RUBCN: variants seen among roughly 807,000 people sequenced by gnomAD.
RUBCN encodes the protein rubicon autophagy regulator, also known as run domain Beclin-1-interacting and cysteine-rich domain-containing protein.
A neutral mutation model predicts 113.2 loss-of-function variants in RUBCN; 74 were observed. That is an observed-to-expected ratio of 0.65 (90% CI 0.54 to 0.79). The LOEUF (loss-of-function observed/expected upper bound fraction) is 0.79, where lower values mean the gene tolerates loss of function less well. Among genes scored for constraint, RUBCN ranks in the 30% least tolerant of loss-of-function variants. The pLI, the probability that RUBCN is intolerant of heterozygous loss-of-function variation, is 0.00. For missense variants in RUBCN, 1,109 were observed against 1,251.7 expected, an observed-to-expected ratio of 0.89 and a Z score of 1.72; for synonymous variants, 480 against 490.0, an observed-to-expected ratio of 0.98 and a Z score of 0.27.
At chr3:197,701,954 A>G in intron 5 of RUBCN, 90 bp from the exon 6 acceptor site, 2 of 1,223,112 alleles carry the variant, frequency 1.6e-6, no homozygotes, top group South Asian at 2.6e-5. Context: ...GAAATGCCAT[A>G]GAAGCTACCT....
chr3:197,712,361 C>T (rs930494186), intron 2 of RUBCN, among the ~76,000 whole-genome samples: 2 of 152,180 alleles, frequency 1.3e-5, no homozygotes, highest in African/African-American at 4.8e-5. Flanking sequence ...ATACAATTCA[C>T]ATTCCATAAC....
chr3:197,686,314 A>G lies in RUBCN; in HGVS notation c.1787-2097T>C, dbSNP rs566125360. 1.1e-4 allele frequency among the ~76,000 whole-genome samples: 17 copies of G among 152,274 alleles called. No homozygotes were observed. The South Asian group carries it at 3.3e-3, about 30-fold the overall frequency. ...AGAAAATACAATTGAGTCACACTGT[A>G]ACGTGTTTCTTCCTTTTACTAGAGG... On this transcript the variant is annotated intron_variant, in intron 11 of 19. Coordinates refer to ENST00000296343, the MANE Select transcript of RUBCN (RefSeq NM_014687.4).
intron 1 of RUBCN, among the ~76,000 whole-genome samples, chr3:197,719,682 C>G (rs1725932049): frequency 6.6e-6 from 1 of 152,024 alleles, no homozygotes; most frequent in African/African-American, 2.4e-5. Flanking sequence ...GGTGCCAAAG[C>G]TACAAAAGAA....
chr3:197,704,904 T>G (rs184322875), intron 3 of RUBCN, among the ~76,000 whole-genome samples, 188 bp downstream of exon 3: 2 of 151,692 alleles, frequency 1.3e-5, no homozygotes, highest in African/African-American at 2.4e-5. Flanking sequence ...CCTGGACCAA[T>G]GGGTTTGCAT....
At chr3:197,706,531 A>G (rs1045568899) in intron 2 of RUBCN, among the ~76,000 whole-genome samples, 1 of 151,922 alleles carries the variant, frequency 6.6e-6, no homozygotes, top group African/African-American at 2.4e-5. Flanking sequence ...AAAAATCCAA[A>G]AAGTTAGCCA....
chr3:197,692,334 T>G (rs2108879060), intron 11 of RUBCN, among the ~76,000 whole-genome samples: 1 of 152,088 alleles, frequency 6.6e-6, no homozygotes, highest in South Asian at 2.1e-4. Flanking sequence ...TTAGTCCCTG[T>G]GTACTTCTTC....
intron 2 of RUBCN, among the ~76,000 whole-genome samples, chr3:197,710,788 A>G (rs1724877703): frequency 6.6e-6 from 1 of 152,166 alleles, no homozygotes; most frequent in African/African-American, 2.4e-5. Flanking sequence ...TGACACTTAT[A>G]ATATCTTTTC....
chr3:197,711,370 G>A (rs1192540611), intron 2 of RUBCN, among the ~76,000 whole-genome samples: 3 of 152,190 alleles, frequency 2.0e-5, no homozygotes, highest in Admixed American at 6.5e-5. Context: ...AATGACAGCT[G>A]TAAGAAAGAA....
Position 197,700,725 on chromosome 3 carries a change from G to C in RUBCN, c.1149C>G (p.Val383=). 6.2e-7 allele frequency: 1 copy of C among 1,614,182 alleles called. No individual in the cohort carries two copies. Among genetic ancestry groups the C allele is most frequent in the Non-Finnish European group, 8.5e-7 (1 of 1,180,028 alleles). The change falls in exon 7 of 20, where the codon GTC becomes GTG. Residue 383 remains valine (V), a synonymous_variant. Transcript: ENST00000296343. Reference sequence around the variant, plus strand: ...CCTCTGAGAAGCTGGACCTGCGGAGGACACTGGACAGCTGGCTCTCCCCAC... The same window carrying C: ...CCTCTGAGAAGCTGGACCTGCGGAGCACACTGGACAGCTGGCTCTCCCCAC... ...EGGGESQLSS[V]LRRSSFSEGQ... is the part of the protein sequence containing the mutation.
chr3:197,742,618 C>A (rs60866458), intron 1 of RUBCN, among the ~76,000 whole-genome samples: 6,374 of 152,308 alleles, frequency 0.042, 483 homozygotes, highest in African/African-American at 0.15. Flanking sequence ...CCCTCCACTG[C>A]ATGAAGAGGG....
intron 1 of RUBCN, among the ~76,000 whole-genome samples, chr3:197,727,395 C>A (rs1171977573): frequency 6.6e-6 from 1 of 152,192 alleles, no homozygotes; most frequent in African/African-American, 2.4e-5. Flanking sequence ...TTTTCTCTGC[C>A]ATTTTCCCCC....
chr3:197,678,305 C>T (rs957094195), intron 16 of RUBCN, among the ~76,000 whole-genome samples: 1 of 150,490 alleles, frequency 6.6e-6, no homozygotes, highest in African/African-American at 2.4e-5. Flanking sequence ...CAACTGGCTT[C>T]AGACTGTCCT....
At position 197,694,274 on chromosome 3, in the gene RUBCN, A is replaced by G. The variant is rs1027082332; in HGVS notation, c.1684+101T>C. ...CATGATAGAAAAAAAGTAGGACTAC[A>G]TAGAAACATCTGACAGCAGAGGAAC... On this transcript the variant is annotated intron_variant, in intron 10 of 19. Transcript: ENST00000296343. The G allele has an allele frequency of 4.9e-6, 5 of 1,025,342 alleles. No individual in the cohort carries two copies. The African/African-American group carries it at 7.8e-5, about 16-fold the overall frequency. 63.5% of individuals were successfully genotyped at this position (1,025,342 alleles called of 1,614,324 possible).
intron 7 of RUBCN, among the ~76,000 whole-genome samples, chr3:197,698,149 C>T (rs1723217867): frequency 6.6e-6 from 1 of 152,224 alleles, no homozygotes; most frequent in Non-Finnish European, 1.5e-5. Context: ...AGTTCACTAC[C>T]TCCTAATGCC....
At chr3:197,745,608 T>A (rs1309395908) in intron 1 of RUBCN, among the ~76,000 whole-genome samples, 2 of 142,880 alleles carry the variant, frequency 1.4e-5, no homozygotes, top group Admixed American at 7.0e-5. Flanking sequence ...AGAGTGAAAA[T>A]CCATCTCAAA....
At chr3:197,749,161 T>A in intron 1 of RUBCN, 7 of 507,530 alleles carry the variant, frequency 1.4e-5, no homozygotes, top group Non-Finnish European at 1.8e-5. Context: ...TCATCAAATA[T>A]TAAACTGTTT....
chr3:197,682,856 C>T (rs898043597), intron 13 of RUBCN, among the ~76,000 whole-genome samples: 4 of 152,112 alleles, frequency 2.6e-5, no homozygotes, highest in Non-Finnish European at 4.4e-5. Flanking sequence ...AACCAGGAGG[C>T]GCCAAGGTAC....
rs931010458 is a variant in RUBCN, at chr3:197,736,880, G to A, written c.-161C>T. ...GCGACAGCGGGAGGGACCGCCGCCT[G>A]GGCTGCGGCTTCTATCCCGGCCACC... On this transcript the variant is annotated 5_prime_UTR_variant, in exon 1 of 20. Transcript: ENST00000296343. 1.3e-5 allele frequency: 18 copies of A among 1,372,688 alleles called. No homozygotes were observed. Among genetic ancestry groups the A allele is most frequent in the African/African-American group, 1.5e-5 (1 of 64,822 alleles). The allele number at this position is 1,372,688 out of a possible 1,614,324, so 85.0% of individuals were successfully genotyped here.
In RUBCN at chr3:197,671,071, A is replaced by G. The variant is rs1719744090; in HGVS notation, c.*3947T>C. ...CGCTCTTCATCCAGGATGGAGTGCA[A>G]TGGAGCAAGCTTGGCTCACTGCAGC... On this transcript the variant is annotated 3_prime_UTR_variant, in exon 20 of 20. Transcript: ENST00000296343. Among the ~76,000 whole-genome samples, 4 of 152,182 alleles carry G rather than the reference A, an allele frequency of 2.6e-5. No individual in the cohort carries two copies.
Sources: gnomAD v4.1 joint callset for allele counts (sites outside exome capture counted in the v4.1 genomes callset) on GRCh38, gnomAD v4.1.1 for gene constraint, MANE v1.5 for transcripts, NCBI Gene and HGNC (gene_info 2026-07-23, HGNC 2026-07-21) for gene names.